Variants in PLEKHA7 observed in about 807,000 individuals in gnomAD.
PLEKHA7 encodes pleckstrin homology domain-containing family A member 7.
A neutral mutation model predicts 170.0 loss-of-function variants in PLEKHA7; 104 were observed. The ratio of observed to expected loss-of-function variants is 0.61; its 90% CI spans 0.52 to 0.72. PLEKHA7 has a LOEUF of 0.72. Ranked by LOEUF, PLEKHA7 falls within the 30% of genes least tolerant of loss-of-function variation. The pLI is 0.00. For missense variants in PLEKHA7, 1,615 were observed against 1,671.7 expected (o/e 0.97, Z 0.59); for synonymous variants, 648 against 660.8 (o/e 0.98, Z 0.30).
intron 4 of PLEKHA7, among the ~76,000 whole-genome samples, chr11:16,859,050 A>G (rs1853716354): frequency 6.6e-6 from 1 of 152,226 alleles, no homozygotes; most frequent in Non-Finnish European, 1.5e-5. Context: ...AAAGCCTATT[A>G]GGAAATGTGA....
At chr11:16,929,193 GC>G (rs753427440) in intron 3 of PLEKHA7, among the ~76,000 whole-genome samples, 38 of 152,066 alleles carry the variant, frequency 2.5e-4, no homozygotes, top group Non-Finnish European at 4.1e-4. Flanking sequence ...CTTTGATACG[GC>G]CCCAGTTGGT....
chr11:17,006,980 C>A (rs1234445926), intron 3 of PLEKHA7, among the ~76,000 whole-genome samples: 1 of 152,356 alleles, frequency 6.6e-6, no homozygotes, highest in Non-Finnish European at 1.5e-5. Flanking sequence ...ACCCTTGATA[C>A]TTGGCATTAT....
chr11:17,007,720 T>C (rs540022336), intron 3 of PLEKHA7, among the ~76,000 whole-genome samples: 1 of 152,060 alleles, frequency 6.6e-6, no homozygotes, highest in East Asian at 1.9e-4. Context: ...ACTATGGCCA[T>C]GCACCATCAC....
At chr11:16,933,886 A>T (rs924936280) in intron 3 of PLEKHA7, among the ~76,000 whole-genome samples, 1 of 152,204 alleles carries the variant, frequency 6.6e-6, no homozygotes, top group Non-Finnish European at 1.5e-5. Flanking sequence ...CAAGATTGTA[A>T]CTTGTTCAAG....
intron 3 of PLEKHA7, among the ~76,000 whole-genome samples, chr11:16,995,709 T>C (rs765908533): frequency 4.3e-4 from 65 of 152,130 alleles, no homozygotes; most frequent in Non-Finnish European, 8.2e-4. Flanking sequence ...TCTCCAGTCC[T>C]CCATCATCAC....
intron 3 of PLEKHA7, among the ~76,000 whole-genome samples, chr11:16,940,808 G>T (rs73425302): frequency 0.056 from 8,560 of 152,138 alleles, 784 homozygotes; most frequent in African/African-American, 0.19. Flanking sequence ...GCAAACAAAA[G>T]GGGAGGAGTG....
At chr11:16,996,452 C>T (rs1172637168) in intron 3 of PLEKHA7, among the ~76,000 whole-genome samples, 8 of 152,158 alleles carry the variant, frequency 5.3e-5, no homozygotes, top group Admixed American at 3.9e-4. Flanking sequence ...GTGGAAAAGA[C>T]CTATAACGTA....
Position 16,801,940 on chromosome 11 carries a change from T to C in PLEKHA7, c.2158-123A>G, listed in dbSNP as rs569962283. 8 of 1,236,930 alleles carry C rather than the reference T, an allele frequency of 6.5e-6. No individual in the cohort carries two copies. The East Asian group carries it at 2.0e-4, about 31-fold the overall frequency. 76.6% of individuals were successfully genotyped at this position (1,236,930 alleles called of 1,614,324 possible). A position where few individuals can be genotyped will look rare whatever the true frequency, so the allele number is the denominator to read the frequency against. ...GGCCGAAGGGATCAGCGCTGAGATG[T>C]GGGCCCACAGTCGGGGCTCTGATGC... is the stretch of plus-strand genomic sequence containing the variant. On this transcript the variant is annotated intron_variant, in intron 15 of 26. Coordinates refer to ENST00000531066, the MANE Select transcript of PLEKHA7 (RefSeq NM_001329630.2).
Position 16,790,786 on chromosome 11 carries a change from G to A in PLEKHA7, c.3052+12C>T. On this transcript the variant is annotated intron_variant, in intron 21 of 26. Coordinates refer to ENST00000531066, the MANE Select transcript of PLEKHA7 (RefSeq NM_001329630.2). ...GATTCCCAGAGAAACTCCAGGGAGG[G>A]CCCTGCCTTACCTCTGCCTGGCAGC... The A allele has an allele frequency of 1.2e-6, 2 of 1,605,696 alleles. No homozygotes were observed. The highest frequency in any genetic ancestry group is 8.5e-7 in the Non-Finnish European group (1 of 1,175,852).
At chr11:16,796,012 C>T (rs1208090503) in intron 17 of PLEKHA7, among the ~76,000 whole-genome samples, 1 of 151,886 alleles carries the variant, frequency 6.6e-6, no homozygotes, top group African/African-American at 2.4e-5. Context: ...GCGCCCACCA[C>T]CACATCTGGC....
intron 19 of PLEKHA7, among the ~76,000 whole-genome samples, chr11:16,792,823 G>T (rs544397150): frequency 5.3e-4 from 81 of 152,282 alleles, no homozygotes; most frequent in African/African-American, 1.8e-3. Flanking sequence ...GCCCAGGCTG[G>T]AGTGCAGTTG....
intron 15 of PLEKHA7, 88 bp from the exon 16 acceptor site, chr11:16,801,905 A>G: frequency 2.6e-6 from 4 of 1,537,424 alleles, no homozygotes; most frequent in Non-Finnish European, 3.6e-6. Flanking sequence ...AAGCTACTGG[A>G]CCTAACCAAG....
At chr11:16,837,291 CT>C (rs1851593033) in intron 9 of PLEKHA7, among the ~76,000 whole-genome samples, 1 of 152,202 alleles carries the variant, frequency 6.6e-6, no homozygotes, top group Admixed American at 6.5e-5. Flanking sequence ...ACACCAAAAT[CT>C]GATGCTAAAA....
intron 7 of PLEKHA7, 77 bp downstream of exon 7, chr11:16,852,206 T>C (rs970782008): frequency 4.1e-5 from 54 of 1,324,898 alleles, no homozygotes; most frequent in Non-Finnish European, 5.8e-5. Flanking sequence ...TTAGGACTGG[T>C]AAACCTGAAG....
intron 4 of PLEKHA7, among the ~76,000 whole-genome samples, chr11:16,870,641 CAAAAAAA>C (rs11321089): frequency 9.0e-6 from 1 of 110,768 alleles, no homozygotes. Flanking sequence ...GACCCTGCCT[CAAAAAAA>C]AAAAAAAAAA....
At chr11:17,008,864 A>G (rs983311421) in intron 3 of PLEKHA7, among the ~76,000 whole-genome samples, 1 of 152,136 alleles carries the variant, frequency 6.6e-6, no homozygotes, top group African/African-American at 2.4e-5. Context: ...TCTAACTCCC[A>G]TGGCCTCTTC....
chr11:16,900,403 T>G (rs978510726), intron 3 of PLEKHA7, among the ~76,000 whole-genome samples: 1 of 152,222 alleles, frequency 6.6e-6, no homozygotes, highest in African/African-American at 2.4e-5. Flanking sequence ...GTTAATGCCT[T>G]GTAACTTTCA....
chr11:16,928,629 A>T lies in PLEKHA7; in HGVS notation c.222-57447T>A, dbSNP rs531865318. Reference sequence around the variant, plus strand: ...CACCATGCCCAGCTAATTTTTTTTTAAATTTTTTTAGAGATGGGGACTCAC... The same window carrying T: ...CACCATGCCCAGCTAATTTTTTTTTTAATTTTTTTAGAGATGGGGACTCAC... On this transcript the variant is annotated intron_variant, in intron 3 of 26. Coordinates refer to ENST00000531066, the MANE Select transcript of PLEKHA7 (RefSeq NM_001329630.2). Among the ~76,000 whole-genome samples, 152 of 151,556 alleles carry T rather than the reference A, an allele frequency of 1.0e-3. 4 individuals carry two copies. The highest frequency in any genetic ancestry group is 8.5e-4 in the African/African-American group (35 of 41,328).
intron 3 of PLEKHA7, among the ~76,000 whole-genome samples, chr11:16,910,151 A>G (rs1858145417): frequency 6.6e-6 from 1 of 152,270 alleles, no homozygotes; most frequent in African/African-American, 2.4e-5. Flanking sequence ...CCTGAATTTT[A>G]TCAGCACCAA....
Sources: gnomAD v4.1 joint callset for allele counts (sites outside exome capture counted in the v4.1 genomes callset) on GRCh38, gnomAD v4.1.1 for gene constraint, MANE v1.5 for transcripts, NCBI Gene and HGNC (gene_info 2026-07-23, HGNC 2026-07-21) for gene names.